The following ISG20L2 variants were observed in gnomAD, a reference collection of about 807,000 sequenced individuals.
ISG20L2 encodes interferon-stimulated 20 kDa exonuclease-like 2.
In ISG20L2, 14 loss-of-function variants were observed where a neutral mutation model predicts 27.8. The observed-to-expected ratio is 0.50, with a 90% confidence interval of 0.33 to 0.79. The LOEUF is 0.79. Among genes scored for constraint, ISG20L2 ranks in the 30% least tolerant of loss-of-function variants. The probability of loss-of-function intolerance (pLI) is 0.02; values close to 1 mark genes in which losing one functional copy is unlikely to be tolerated. For synonymous variants in ISG20L2, 157 were observed against 165.7 expected (o/e 0.95, Z 0.40); for missense variants, 393 against 435.1 (o/e 0.90, Z 0.86).
chr1:156,724,204 T>C lies in ISG20L2; in HGVS notation c.892A>G (p.Asn298Asp), dbSNP rs1267413258. The part of the protein sequence containing the change: ...PLNRKADCPE[N>D]ATMSLKHLTK... The stretch of plus-strand genomic sequence containing the variant: ...AGATGCTTCAGAGACATGGTGGCAT[T>C]CTCCGGGCAGTCAGCCTTCCGGTTG... The change falls in exon 3 of 4, where the codon AAT (asparagine) becomes GAT (aspartate). Residue 298 changes from asparagine to aspartate, a missense_variant. Asn to Asp is a conservative substitution (Grantham distance 23, BLOSUM62 1). This residue lies in a region of ISG20L2 where 171 missense variants were observed against 195.3 expected (regional missense o/e 0.88). Coordinates refer to ENST00000368219, the MANE Select transcript of ISG20L2 (RefSeq NM_001370150.2). 1 of 1,607,058 alleles carries C rather than the reference T, an allele frequency of 6.2e-7. No homozygotes were observed. The highest frequency in any genetic ancestry group is 1.1e-5 in the South Asian group (1 of 90,930).
chr1:156,727,965 T>C, intron 1 of ISG20L2, 196 bp from the exon 2 acceptor site: 1 of 1,104,594 alleles, frequency 9.1e-7, no homozygotes, highest in South Asian at 2.9e-5. Context: ...TGAAGCCCAA[T>C]TCACCAGCCA....
In ISG20L2 at chr1:156,727,298, G is replaced by C. The variant is rs1240383824; in HGVS notation, c.355C>G (p.Leu119Val). The part of the protein sequence containing the change: ...ADSVAAKVDL[L>V]GEFQSALPKI... ...GGAAGGGCACTCTGGAACTCCCCCA[G>C]CAAATCTACTTTAGCAGCAACAGAA... The change falls in exon 2 of 4, where the codon CTG (leucine) becomes GTG (valine). Residue 119 changes from leucine to valine, a missense_variant. By Grantham distance (32) the Leu-to-Val change is conservative. Coordinates refer to ENST00000368219, the MANE Select transcript of ISG20L2 (RefSeq NM_001370150.2). 1.2e-6 allele frequency: 2 copies of C among 1,614,174 alleles called. No homozygotes were observed. The highest frequency in any genetic ancestry group is 1.7e-5 in the Admixed American group (1 of 60,020).
chr1:156,723,838 T>C, intron 3 of ISG20L2: 1 of 1,249,800 alleles, frequency 8.0e-7, no homozygotes, highest in Non-Finnish European at 1.0e-6. Context: ...TTTGCTGAAA[T>C]ATAGCGTGTA....
At position 156,727,236 on chromosome 1, in the gene ISG20L2, C is replaced by T; in HGVS notation, c.417G>A (p.Lys139=). The part of the protein sequence containing the change: ...INSHPTRSQK[K]SSQKKSSKKN... ...TTTTAGAGGATTTCTTCTGGGAGCTCTTCTTCTGAGAGCGGGTTGGGTGGC... is the reference window on the plus strand; with the variant it reads ...TTTTAGAGGATTTCTTCTGGGAGCTTTTCTTCTGAGAGCGGGTTGGGTGGC... Residue 139 remains lysine (K), a synonymous_variant, in exon 2 of 4, where the codon AAG becomes AAA. Coordinates refer to ENST00000368219, the MANE Select transcript of ISG20L2 (RefSeq NM_001370150.2). 6.2e-7 allele frequency: 1 copy of T among 1,614,014 alleles called. No homozygotes were observed.
At position 156,728,700 on chromosome 1, in the gene ISG20L2, C is replaced by T; in HGVS notation, c.-403G>A. 1 of 991,574 alleles carries T rather than the reference C, an allele frequency of 1.0e-6. No individual in the cohort carries two copies. The highest frequency in any genetic ancestry group is 4.4e-5 in the South Asian group (1 of 22,808). 61.4% of individuals were successfully genotyped at this position (991,574 alleles called of 1,614,324 possible). ...GTACAACGCGAAGGTGTGGGAAGGC[C>T]GCGATAAACCGGAACTGCAGCCCGC... is the stretch of plus-strand genomic sequence containing the variant. On this transcript the variant is annotated 5_prime_UTR_variant, in exon 1 of 4. Coordinates refer to ENST00000368219, the MANE Select transcript of ISG20L2 (RefSeq NM_001370150.2).
Position 156,727,775 on chromosome 1 carries a change from G to A in ISG20L2, c.-117-6C>T, listed in dbSNP as rs1648864391. The A allele has an allele frequency of 6.0e-6, 9 of 1,492,528 alleles. No homozygotes were observed. The highest frequency in any genetic ancestry group is 5.3e-6 in the Non-Finnish European group (6 of 1,130,758). 92.5% of individuals were successfully genotyped at this position (1,492,528 alleles called of 1,614,324 possible). A position where few individuals can be genotyped will look rare whatever the true frequency, so the allele number is the denominator to read the frequency against. On this transcript the variant is annotated splice_region_variant and splice_polypyrimidine_tract_variant and intron_variant, in intron 1 of 3. Coordinates refer to ENST00000368219, the MANE Select transcript of ISG20L2 (RefSeq NM_001370150.2). ...GTGGAGGTCTGTAGTACACCCTGGG[G>A]AAGAAAGTGATCCTGGTAATTGAGC...
At chr1:156,724,057 C>T in intron 3 of ISG20L2, 91 bp downstream of exon 3, 1 of 1,274,054 alleles carries the variant, frequency 7.8e-7, no homozygotes, top group Admixed American at 1.7e-5. Context: ...TGGATCTCTA[C>T]AACCACAGGA....
In ISG20L2 at chr1:156,728,617, G is replaced by C; in HGVS notation, c.-320C>G. 1.0e-6 allele frequency: 1 copy of C among 985,336 alleles called. No homozygotes were observed. The highest frequency in any genetic ancestry group is 1.2e-6 in the Non-Finnish European group (1 of 829,364). 61.0% of individuals were successfully genotyped at this position (985,336 alleles called of 1,614,324 possible). ...AGCGGCAGTGGCGGCGGAGGAGGGG[G>C]CGGCGTGGGTGGGGGCGGGGGCGGG... On this transcript the variant is annotated 5_prime_UTR_variant, in exon 1 of 4. Transcript: ENST00000368219.
intron 2 of ISG20L2, chr1:156,724,801 G>T: frequency 2.5e-6 from 1 of 402,958 alleles, no homozygotes; most frequent in Non-Finnish European, 3.4e-6. Flanking sequence ...ATGGGTACTA[G>T]AGGAAGAGAA....
At chr1:156,726,006 T>G (rs1648741379) in intron 2 of ISG20L2, 1 of 985,422 alleles carries the variant, frequency 1.0e-6, no homozygotes, top group Admixed American at 6.1e-5. Flanking sequence ...TCTCTTGCTC[T>G]CCCTTCACTT....
At chr1:156,724,958 T>G (rs1226892971) in intron 2 of ISG20L2, 3 of 141,592 alleles carry the variant, frequency 2.1e-5, no homozygotes, top group African/African-American at 5.3e-5. Context: ...CAGGAAACTG[T>G]TTTTTTTTTT....
intron 1 of ISG20L2, 200 bp downstream of exon 1, chr1:156,728,215 C>G (rs1648899014): frequency 2.0e-6 from 2 of 985,942 alleles, no homozygotes; most frequent in African/African-American, 1.7e-5. Flanking sequence ...AGACACAAAT[C>G]CAGGCATCCC....
At position 156,727,329 on chromosome 1, in the gene ISG20L2, C is replaced by A. The variant is rs750755203; in HGVS notation, c.324G>T (p.Lys108Asn). 1 of 1,614,140 alleles carries A rather than the reference C, an allele frequency of 6.2e-7. No individual in the cohort carries two copies. Among genetic ancestry groups the A allele is most frequent in the Admixed American group, 1.7e-5 (1 of 60,020 alleles). The change falls in exon 2 of 4, where the codon AAG (lysine) becomes AAT (asparagine). Residue 108 changes from lysine (K) to asparagine (N), a missense_variant. Transcript: ENST00000368219. ...VSWLTPAPSKKADSVAAKVDL... is the reference protein window; with the variant it reads ...VSWLTPAPSKNADSVAAKVDL... ...CTACTTTAGCAGCAACAGAATCAGC[C>A]TTTTTTGAAGGGGCAGGGGTCAACC... is the stretch of plus-strand genomic sequence containing the variant.
At chr1:156,724,117 G>C in intron 3 of ISG20L2, 31 bp downstream of exon 3, 1 of 1,581,652 alleles carries the variant, frequency 6.3e-7, no homozygotes, top group Non-Finnish European at 8.7e-7. Context: ...CCATGTCCAA[G>C]ATGGGGGCGG....
chr1:156,726,506 G>T, intron 2 of ISG20L2: 1 of 830,114 alleles, frequency 1.2e-6, no homozygotes, highest in Non-Finnish European at 1.5e-6. Flanking sequence ...TCAGCTCACT[G>T]CAGCCTCGAC....
chr1:156,724,048 G>A, intron 3 of ISG20L2, 100 bp downstream of exon 3: 3 of 1,214,392 alleles, frequency 2.5e-6, no homozygotes, highest in Non-Finnish European at 3.6e-6. Flanking sequence ...CAGCCCACCT[G>A]GATCTCTACA....
rs1349798380 is a variant in ISG20L2 at position 156,722,777 on chromosome 1, TG to T, written c.*571del. The T allele has an allele frequency of 3.3e-5, 5 of 152,354 alleles. No individual in the cohort carries two copies. Among genetic ancestry groups the T allele is most frequent in the Admixed American group, 3.3e-4 (5 of 15,318 alleles). 9.4% of individuals were successfully genotyped at this position (152,354 alleles called of 1,614,324 possible). A position where few individuals can be genotyped will look rare whatever the true frequency, so the allele number is the denominator to read the frequency against. ...CTGCCACCACACCCCACACATTTTT[TG>T]TATTTTTAGTAGAGAACGGGAATTC... On this transcript the variant is annotated 3_prime_UTR_variant, in exon 4 of 4. Transcript: ENST00000368219.
chr1:156,727,236 C>G lies in ISG20L2; in HGVS notation c.417G>C (p.Lys139Asn). The stretch of plus-strand genomic sequence containing the variant: ...TTTTAGAGGATTTCTTCTGGGAGCT[C>G]TTCTTCTGAGAGCGGGTTGGGTGGC... ...INSHPTRSQKKSSQKKSSKKN... is the reference protein window; with the variant it reads ...INSHPTRSQKNSSQKKSSKKN... The change falls in exon 2 of 4, where the codon AAG (lysine) becomes AAC (asparagine). Residue 139 changes from lysine (K) to asparagine (N), a missense_variant. Lys to Asn is a moderately conservative substitution (Grantham distance 94). This residue lies in a region of ISG20L2 where 183 missense variants were observed against 168.2 expected (regional missense o/e 1.09). Coordinates refer to ENST00000368219, the MANE Select transcript of ISG20L2 (RefSeq NM_001370150.2). 1 of 1,614,014 alleles carries G rather than the reference C, an allele frequency of 6.2e-7. No homozygotes were observed. Among genetic ancestry groups the G allele is most frequent in the Non-Finnish European group, 8.5e-7 (1 of 1,180,006 alleles).
intron 3 of ISG20L2, 132 bp from the exon 4 acceptor site, chr1:156,723,594 A>C (rs1648628071): frequency 6.8e-7 from 1 of 1,474,688 alleles, no homozygotes; most frequent in Non-Finnish European, 9.0e-7. Context: ...CTACAAAGAC[A>C]GAATTCTGGT....
Sources: allele counts gnomAD v4.1 joint callset, GRCh38; gene constraint gnomAD v4.1.1; regional missense constraint gnomAD v4.1.1; transcripts MANE v1.5; gene names NCBI Gene and HGNC (gene_info 2026-07-23, HGNC 2026-07-21).